The following RBBP7 variants were observed in gnomAD, a reference collection of about 807,000 sequenced individuals.
RBBP7 encodes the protein histone-binding protein RBBP7.
In RBBP7, 5 loss-of-function variants were observed where a neutral mutation model predicts 35.2. The observed-to-expected ratio is 0.14, with a 90% CI of 0.07 to 0.30. The LOEUF is 0.30. Among genes scored for constraint, RBBP7 ranks in the 10% least tolerant of loss-of-function variants. RBBP7 has a pLI of 1.00. For synonymous variants in RBBP7, 140 were observed against 118.7 expected, an observed-to-expected ratio of 1.18 and a Z score of -1.17; for missense variants, 155 against 327.5, an observed-to-expected ratio of 0.47 and a Z score of 4.07.
chrX:16,864,526 CA>C (rs61357554), intron 2 of RBBP7, among the ~76,000 whole-genome samples: 170 of 26,221 alleles, frequency 6.5e-3, no homozygotes, highest in Non-Finnish European at 8.9e-3. Context: ...ACTCCGTCTC[CA>C]AAAAAAAAAA....
chrX:16,869,995 C>T (rs1364660295), intron 1 of RBBP7, 43 bp downstream of exon 1: 8 of 766,896 alleles, frequency 1.0e-5, no homozygotes, highest in Non-Finnish European at 1.2e-5. Flanking sequence ...GCGCCCGCCG[C>T]CCCCCGCGGC....
chrX:16,858,362 C>T (rs987594523), intron 4 of RBBP7, among the ~76,000 whole-genome samples: 1 of 111,855 alleles, frequency 8.9e-6, no homozygotes, highest in African/African-American at 3.3e-5. Context: ...CTGCTAGAGA[C>T]AAAACATGTC....
chrX:16,866,554 A>AAAAAAAG (rs1569063906), intron 2 of RBBP7, among the ~76,000 whole-genome samples: 1 of 57,674 alleles, frequency 1.7e-5, no homozygotes. Flanking sequence ...AAAAAAAAAA[A>AAAAAAAG]AAAGAAAGAA....
intron 2 of RBBP7, among the ~76,000 whole-genome samples, chrX:16,867,596 G>T (rs948981729): frequency 5.4e-5 from 6 of 111,541 alleles, no homozygotes; most frequent in African/African-American, 2.0e-4. Context: ...ATTCCTATCT[G>T]TATAGAAATC....
intron 2 of RBBP7, among the ~76,000 whole-genome samples, chrX:16,868,495 C>G (rs188815097): frequency 1.9e-3 from 211 of 112,288 alleles, no homozygotes; most frequent in African/African-American, 6.5e-3. Flanking sequence ...GTTCTGAGTG[C>G]TCAATAAATG....
At chrX:16,851,792 AAC>A (rs1930218722) in intron 9 of RBBP7, among the ~76,000 whole-genome samples, 1 of 112,831 alleles carries the variant, frequency 8.9e-6, no homozygotes, top group Non-Finnish European at 1.9e-5. Context: ...CAAAAACAAA[AAC>A]AGACACATAC....
At chrX:16,855,136 G>A (rs1338466076) in intron 5 of RBBP7, among the ~76,000 whole-genome samples, 2 of 107,640 alleles carry the variant, frequency 1.9e-5, no homozygotes, top group African/African-American at 6.8e-5. Flanking sequence ...TACAACCTCC[G>A]CCTCCCGGGT....
At chrX:16,848,498 A>T (rs1483784103) in intron 10 of RBBP7, 2 of 111,849 alleles carry the variant, frequency 1.8e-5, no homozygotes, top group Non-Finnish European at 3.8e-5. Context: ...CATTCAATAT[A>T]CTCCATAGGT....
rs1241122300 is a variant in RBBP7 at position 16,869,418 on chromosome X, A to ACC, written c.17-200_17-199dup. On this transcript the variant is annotated intron_variant, in intron 1 of 11. Transcript: ENST00000380087. ...GCCTATTTTTTCCATTGAGATCAAT[A>ACC]CCCCCTGCGTACACCATGTTGGGTA... 1.1e-5 allele frequency: 12 copies of ACC among 1,103,484 alleles called. No individual in the cohort carries two copies. In the African/African-American group the frequency reaches 2.2e-4, roughly 20 times the overall value. The allele number at this position is 1,103,484 out of a possible 1,213,427, so 90.9% of individuals were successfully genotyped here. A position where few individuals can be genotyped will look rare whatever the true frequency, so the allele number is the denominator to read the frequency against.
intron 2 of RBBP7, among the ~76,000 whole-genome samples, chrX:16,865,591 A>G: frequency 8.9e-6 from 1 of 112,119 alleles, no homozygotes; most frequent in Non-Finnish European, 1.9e-5. Context: ...CTGTTTTCCT[A>G]AACTAATCAA....
At chrX:16,860,897 G>A (rs949608879) in intron 3 of RBBP7, among the ~76,000 whole-genome samples, 1 of 111,459 alleles carries the variant, frequency 9.0e-6, no homozygotes, top group Admixed American at 9.5e-5. Flanking sequence ...ATTCAGGCCG[G>A]GAGTGGTGGC....
At chrX:16,848,245 T>C (rs183966393) in intron 10 of RBBP7, 3 of 110,717 alleles carry the variant, frequency 2.7e-5, no homozygotes, top group East Asian at 2.8e-4. Context: ...TCTATGAATA[T>C]ACTAAAAACC....
chrX:16,856,369 A>G (rs956556551), intron 5 of RBBP7, among the ~76,000 whole-genome samples: 34 of 110,950 alleles, frequency 3.1e-4, no homozygotes, highest in Admixed American at 2.8e-3. Flanking sequence ...GTCTCTACTA[A>G]AAGTACGAAA....
intron 9 of RBBP7, 97 bp from the exon 10 acceptor site, chrX:16,849,398 TAAAC>T (rs777847565): frequency 1.3e-6 from 1 of 784,094 alleles, no homozygotes. Context: ...TCTTAAAACA[TAAAC>T]ACACTCACAA....
In RBBP7 at chrX:16,852,575, T is replaced by G; in HGVS notation, c.939A>C (p.Glu313Asp). The G allele has an allele frequency of 8.3e-7, 1 of 1,211,430 alleles. No homozygotes were observed. Among genetic ancestry groups the G allele is most frequent in the Non-Finnish European group, 1.1e-6 (1 of 895,340 alleles). ...CCTGGAAAATTTCATCTTTATGAGA[T>G]TCGAAGGTATGGAGTTTTAATTTTA... ...RNLKLKLHTF[E>D]SHKDEIFQVH... The change falls in exon 8 of 12, where the codon GAA becomes GAC. Residue 313 changes from glutamate to aspartate, a missense_variant. Physicochemically the swap from Glu to Asp is conservative, Grantham distance 45. Coordinates refer to ENST00000380087, the MANE Select transcript of RBBP7 (RefSeq NM_002893.4).
At position 16,844,396 on chromosome X, in the gene RBBP7, A is replaced by T. The variant is rs1044234338; in HGVS notation, c.*639T>A. 8.9e-6 allele frequency: 1 copy of T among 112,336 alleles called. No homozygotes were observed. Among genetic ancestry groups the T allele is most frequent in the African/African-American group, 3.2e-5 (1 of 30,888 alleles). The allele number at this position is 112,336 out of a possible 1,213,427, so 9.3% of individuals were successfully genotyped here. ...AGCCCACGTCTTTCATGAGGATACG[A>T]ATTGTTAAGAGGCAGTCTCGTTTTG... is the stretch of plus-strand genomic sequence containing the variant. On this transcript the variant is annotated 3_prime_UTR_variant, in exon 12 of 12. Transcript: ENST00000380087.
intron 3 of RBBP7, among the ~76,000 whole-genome samples, chrX:16,860,487 G>GACCAT (rs1250522273): frequency 4.6e-5 from 5 of 109,642 alleles, no homozygotes. Context: ...AGGAAAGCAA[G>GACCAT]ACCATCCTGG....
At chrX:16,853,157 T>C (rs1188931166) in intron 6 of RBBP7, 3 of 293,094 alleles carry the variant, frequency 1.0e-5, no homozygotes, top group African/African-American at 8.0e-5. Context: ...GAGAATAATG[T>C]CACAATCTGA....
intron 8 of RBBP7, 173 bp from the exon 9 acceptor site, chrX:16,852,295 C>T (rs1602417151): frequency 7.5e-6 from 4 of 531,708 alleles, no homozygotes; most frequent in Non-Finnish European, 9.5e-6. Flanking sequence ...TCAGCTCCAT[C>T]CTGTCCTCAG....
Sources: allele counts gnomAD v4.1 joint callset (sites outside exome capture counted in the v4.1 genomes callset), GRCh38; gene constraint gnomAD v4.1.1; transcripts MANE v1.5; gene names NCBI Gene and HGNC (gene_info 2026-07-23, HGNC 2026-07-21).